ARHGAP22: variants seen among roughly 807,000 people sequenced by gnomAD.
ARHGAP22 encodes rho GTPase-activating protein 22.
ARHGAP22 carries 48 observed loss-of-function variants against 59.1 expected under a neutral mutation model. That is an observed-to-expected ratio of 0.81 (90% confidence interval 0.64 to 1.03). The LOEUF (loss-of-function observed/expected upper bound fraction) is 1.03, where lower values mean the gene tolerates loss of function less well. Ranked by LOEUF, ARHGAP22 falls within the 50% of genes least tolerant of loss-of-function variation. The pLI, the probability that ARHGAP22 is intolerant of heterozygous loss-of-function variation, is 0.00. For synonymous variants in ARHGAP22, 445 were observed against 416.4 expected, an observed-to-expected ratio of 1.07 and a Z score of -0.84; for missense variants, 1,015 against 958.7, an observed-to-expected ratio of 1.06 and a Z score of -0.78.
chr10:48,526,829 C>T (rs113912462), intron 3 of ARHGAP22, among the ~76,000 whole-genome samples: 15 of 152,292 alleles, frequency 9.8e-5, no homozygotes, highest in African/African-American at 3.1e-4. Context: ...CTTTTCAAAG[C>T]GGCTTTAAAT....
chr10:48,612,980 T>G (rs2060951074), intron 1 of ARHGAP22, among the ~76,000 whole-genome samples: 1 of 152,232 alleles, frequency 6.6e-6, no homozygotes, highest in African/African-American at 2.4e-5. Flanking sequence ...GGACCGATAG[T>G]AATCTCAGCT....
chr10:48,564,180 C>T (rs2057896306), intron 2 of ARHGAP22, among the ~76,000 whole-genome samples: 1 of 152,106 alleles, frequency 6.6e-6, no homozygotes, highest in Non-Finnish European at 1.5e-5. Flanking sequence ...AGAATTTGTT[C>T]TAAGGAAAAA....
chr10:48,605,647 A>G (rs1189935994), upstream of ARHGAP22, among the ~76,000 whole-genome samples: 1 of 152,130 alleles, frequency 6.6e-6, no homozygotes, highest in Admixed American at 6.5e-5. Context: ...GGGCTTTGTG[A>G]GGAGCGGAAT....
intron 3 of ARHGAP22, among the ~76,000 whole-genome samples, chr10:48,483,978 CTA>C (rs2049597887): frequency 1.3e-5 from 2 of 152,172 alleles, no homozygotes; most frequent in African/African-American, 4.8e-5. Context: ...GTCTTTCCCT[CTA>C]TGTTTTCTTC....
At chr10:48,552,427 G>A (rs146250823) in intron 3 of ARHGAP22, among the ~76,000 whole-genome samples, 2 of 152,356 alleles carry the variant, frequency 1.3e-5, no homozygotes, top group African/African-American at 2.4e-5. Flanking sequence ...TGGCACCCTC[G>A]GAACTGTAGG....
intron 1 of ARHGAP22, among the ~76,000 whole-genome samples, chr10:48,634,499 C>T (rs1405607186): frequency 1.3e-5 from 2 of 152,166 alleles, no homozygotes; most frequent in Admixed American, 1.3e-4. Flanking sequence ...GAAACTGGGT[C>T]TCTAAGAAGA....
intron 3 of ARHGAP22, among the ~76,000 whole-genome samples, chr10:48,528,441 A>G (rs2054530003): frequency 6.6e-6 from 1 of 152,168 alleles, no homozygotes; most frequent in Non-Finnish European, 1.5e-5. Context: ...ACAAGGCCCA[A>G]TGTGGGGCGG....
At chr10:48,438,475 TAAG>T in the ARHGAP22 span, 23 of 152,228 alleles carry the variant, frequency 1.5e-4, no homozygotes, top group Non-Finnish European at 2.6e-4. Flanking sequence ...TAAGTGCTCT[TAAG>T]GAGAGTCTAG....
chr10:48,483,349 A>C (rs570532483), intron 3 of ARHGAP22, among the ~76,000 whole-genome samples: 12 of 152,248 alleles, frequency 7.9e-5, no homozygotes, highest in Middle Eastern at 6.8e-3. Context: ...TTTTTCCCCC[A>C]AAAATTTGCA....
chr10:48,647,355 T>C (rs898606779), intron 1 of ARHGAP22, among the ~76,000 whole-genome samples: 1 of 152,096 alleles, frequency 6.6e-6, no homozygotes, highest in African/African-American at 2.4e-5. Flanking sequence ...ATCACGCCAT[T>C]GCACTCCAGT....
intron 3 of ARHGAP22, among the ~76,000 whole-genome samples, chr10:48,484,368 C>A (rs777911733): frequency 5.9e-5 from 9 of 152,176 alleles, no homozygotes; most frequent in Admixed American, 3.9e-4. Flanking sequence ...GATGTACTAT[C>A]CCTTTTATAT....
chr10:48,567,757 G>A (rs1177041264), intron 2 of ARHGAP22, among the ~76,000 whole-genome samples: 3 of 152,072 alleles, frequency 2.0e-5, no homozygotes, highest in Non-Finnish European at 4.4e-5. Context: ...CTCTCCCCCT[G>A]AGTCAACCTT....
intron 5 of ARHGAP22, among the ~76,000 whole-genome samples, chr10:48,457,256 C>G (rs552328268): frequency 3.3e-5 from 5 of 152,118 alleles, no homozygotes; most frequent in Non-Finnish European, 7.4e-5. Context: ...CCCTAGAGTC[C>G]GTTTCTCATC....
the ARHGAP22 span, chr10:48,439,267 A>G: frequency 6.7e-6 from 1 of 149,446 alleles, no homozygotes; most frequent in Non-Finnish European, 1.5e-5. Flanking sequence ...GTCATTAAAC[A>G]TGCACCACTG....
intron 4 of ARHGAP22, chr10:48,479,241 C>T (rs3888909): frequency 0.61 from 141,903 of 232,472 alleles, 49,267 homozygotes; most frequent in Non-Finnish European, 0.75. Context: ...ACCACACCCC[C>T]GCCGTCCTCT....
intron 1 of ARHGAP22, among the ~76,000 whole-genome samples, chr10:48,613,773 A>G (rs1296600006): frequency 2.0e-5 from 3 of 152,192 alleles, no homozygotes; most frequent in Non-Finnish European, 4.4e-5. Flanking sequence ...TTACTTAAGG[A>G]AGTGCTATGG....
At chr10:48,475,764 T>C (rs897404035) in intron 4 of ARHGAP22, among the ~76,000 whole-genome samples, 2 of 152,194 alleles carry the variant, frequency 1.3e-5, no homozygotes, top group Admixed American at 6.5e-5. Flanking sequence ...TGGTCTTTCC[T>C]CAACATGACA....
At chr10:48,585,118 T>G (rs1175042163) in intron 1 of ARHGAP22, among the ~76,000 whole-genome samples, 1 of 151,984 alleles carries the variant, frequency 6.6e-6, no homozygotes, top group African/African-American at 2.4e-5. Flanking sequence ...ATGTCCAGGG[T>G]CCAGGGACTA....
chr10:48,626,019 A>G (rs1027459324), intron 1 of ARHGAP22, among the ~76,000 whole-genome samples: 2 of 152,178 alleles, frequency 1.3e-5, no homozygotes, highest in Non-Finnish European at 2.9e-5. Flanking sequence ...CCAGTTCTCA[A>G]AAGCAGCCAT....
Sources: allele counts gnomAD v4.1 joint callset (sites outside exome capture counted in the v4.1 genomes callset), GRCh38; gene constraint gnomAD v4.1.1; transcripts MANE v1.5; gene names NCBI Gene and HGNC (gene_info 2026-07-23, HGNC 2026-07-21).